The following GPC5 variants were observed in gnomAD, a reference collection of about 807,000 sequenced individuals.
GPC5 encodes the protein glypican-5.
GPC5 carries 47 observed loss-of-function variants against 53.9 expected under a neutral mutation model. That is an observed-to-expected ratio of 0.87 (90% CI 0.69 to 1.11). The LOEUF is 1.11. GPC5 is among the 50% of genes most tolerant of loss of function. The pLI, the probability that GPC5 is intolerant of heterozygous loss-of-function variation, is 0.00. For missense variants in GPC5, 748 were observed against 713.1 expected, an observed-to-expected ratio of 1.05 and a Z score of -0.56; for synonymous variants, 286 against 263.3, an observed-to-expected ratio of 1.09 and a Z score of -0.84.
intron 7 of GPC5, among the ~76,000 whole-genome samples, chr13:92,644,347 T>C (rs1885695710): frequency 6.6e-6 from 1 of 152,112 alleles, no homozygotes; most frequent in South Asian, 2.1e-4. Flanking sequence ...ACTAGCAAAA[T>C]TGGAAAACTC....
intron 7 of GPC5, among the ~76,000 whole-genome samples, chr13:92,847,776 AT>A (rs373155678): frequency 1.3e-5 from 2 of 151,986 alleles, no homozygotes; most frequent in African/African-American, 4.8e-5. Flanking sequence ...GTTCTATAGG[AT>A]TTTTTTATTC....
Position 91,957,509 on chromosome 13 carries a change from T to C in GPC5, c.1401+49452T>C, listed in dbSNP as rs546949936. On this transcript the variant is annotated intron_variant, in intron 6 of 7. Coordinates refer to ENST00000377067, the MANE Select transcript of GPC5 (RefSeq NM_004466.6). ...ATACATACAATTCAAAAAGGTCTTC[T>C]CTATGGCAAATTTCAAAAATCAAAT... Among the ~76,000 whole-genome samples, 3 of 152,262 alleles carry C rather than the reference T, an allele frequency of 2.0e-5. 1 individual carries two copies. In the South Asian group the frequency reaches 6.2e-4, roughly 32 times the overall value.
intron 2 of GPC5, among the ~76,000 whole-genome samples, chr13:91,650,750 G>GTTTTTGTTTTTTTTTTGTTTTT (rs1491353283): frequency 1.0e-5 from 1 of 99,642 alleles, no homozygotes; most frequent in Non-Finnish European, 2.0e-5. Context: ...ATTCCCATAA[G>GTTTTTGTTTTTTTTTTGTTTTT]TTTTTTTTTT....
chr13:92,512,118 G>T (rs537339458), intron 7 of GPC5, among the ~76,000 whole-genome samples: 1 of 152,268 alleles, frequency 6.6e-6, no homozygotes, highest in African/African-American at 2.4e-5. Context: ...ATGAGATATT[G>T]ATGATTTTTG....
intron 6 of GPC5, among the ~76,000 whole-genome samples, chr13:91,971,283 G>C (rs546849146): frequency 6.6e-6 from 1 of 152,108 alleles, no homozygotes; most frequent in African/African-American, 2.4e-5. Context: ...TCTGATGGTC[G>C]TTTGTATTTC....
chr13:92,262,140 A>G (rs2042772072), intron 7 of GPC5, among the ~76,000 whole-genome samples: 1 of 152,168 alleles, frequency 6.6e-6, no homozygotes. Context: ...TTTTCCTTCC[A>G]GTACTTCTCT....
chr13:92,189,608 A>C (rs1047508749), intron 7 of GPC5, among the ~76,000 whole-genome samples: 4 of 151,700 alleles, frequency 2.6e-5, no homozygotes, highest in African/African-American at 2.4e-5. Flanking sequence ...CACACACACA[A>C]AAGTTTCAAG....
At chr13:92,388,870 G>T (rs1291417284) in intron 7 of GPC5, among the ~76,000 whole-genome samples, 1 of 152,020 alleles carries the variant, frequency 6.6e-6, no homozygotes, top group African/African-American at 2.4e-5. Context: ...TTATTTTTTT[G>T]ATTTTTAAGA....
chr13:92,799,990 A>G (rs1395916703), intron 7 of GPC5, among the ~76,000 whole-genome samples: 1 of 151,848 alleles, frequency 6.6e-6, no homozygotes, highest in Non-Finnish European at 1.5e-5. Context: ...CTTACTATCA[A>G]TTCCAGTTTC....
At chr13:92,735,330 A>G (rs1188466678) in intron 7 of GPC5, among the ~76,000 whole-genome samples, 1 of 151,970 alleles carries the variant, frequency 6.6e-6, no homozygotes, top group Non-Finnish European at 1.5e-5. Context: ...TTCTTCCAGG[A>G]TGGCACTTTT....
intron 7 of GPC5, among the ~76,000 whole-genome samples, chr13:92,494,737 G>A (rs910953602): frequency 6.6e-6 from 1 of 152,046 alleles, no homozygotes; most frequent in African/African-American, 2.4e-5. Flanking sequence ...TGGTAAAAAA[G>A]CTTTGGTTAC....
chr13:91,612,726 G>C (rs550777094), intron 2 of GPC5, among the ~76,000 whole-genome samples: 35 of 152,170 alleles, frequency 2.3e-4, no homozygotes, highest in African/African-American at 8.2e-4. Context: ...ATATTCTTGA[G>C]TATTAAGTTG....
chr13:92,001,126 A>G (rs1016917018), intron 6 of GPC5, among the ~76,000 whole-genome samples: 3 of 152,220 alleles, frequency 2.0e-5, no homozygotes, highest in Admixed American at 6.5e-5. Flanking sequence ...TAGGCATAGC[A>G]TAGTTTGTTT....
chr13:92,047,820 A>AC (rs1456793308), intron 6 of GPC5, among the ~76,000 whole-genome samples: 1 of 150,296 alleles, frequency 6.7e-6, no homozygotes, highest in Non-Finnish European at 1.5e-5. Context: ...AAAAAAAAAA[A>AC]AAAAAAAGAA....
intron 7 of GPC5, among the ~76,000 whole-genome samples, chr13:92,612,594 A>G (rs1345512255): frequency 1.3e-5 from 2 of 152,084 alleles, no homozygotes; most frequent in African/African-American, 4.8e-5. Context: ...CTTTTGCATC[A>G]AAGACAAACA....
chr13:92,419,075 G>A (rs1876443938), intron 7 of GPC5, among the ~76,000 whole-genome samples: 2 of 152,136 alleles, frequency 1.3e-5, no homozygotes. Context: ...AAAATGAACT[G>A]TCAATTTCAC....
At chr13:91,660,710 G>T (rs1314985286) in intron 2 of GPC5, among the ~76,000 whole-genome samples, 1 of 152,178 alleles carries the variant, frequency 6.6e-6, no homozygotes, top group Non-Finnish European at 1.5e-5. Context: ...TTTCAGGTAG[G>T]TTTATCTGGA....
At chr13:92,837,483 C>A (rs1878258105) in intron 7 of GPC5, among the ~76,000 whole-genome samples, 1 of 152,028 alleles carries the variant, frequency 6.6e-6, no homozygotes, top group African/African-American at 2.4e-5. Flanking sequence ...CTAGTATTTG[C>A]CAGCTAGGGG....
intron 5 of GPC5, among the ~76,000 whole-genome samples, chr13:91,901,308 G>A (rs1329103928): frequency 6.6e-6 from 1 of 151,962 alleles, no homozygotes; most frequent in Non-Finnish European, 1.5e-5. Flanking sequence ...GTAGTTTTGT[G>A]GCTCAACAAT....
Sources: allele counts gnomAD v4.1 joint callset (sites outside exome capture counted in the v4.1 genomes callset), GRCh38; gene constraint gnomAD v4.1.1; transcripts MANE v1.5; gene names NCBI Gene and HGNC (gene_info 2026-07-23, HGNC 2026-07-21).